Variants in MRPL21 observed in about 807,000 individuals in gnomAD.
MRPL21 encodes mitochondrial ribosomal protein L21.
A neutral mutation model predicts 27.3 loss-of-function variants in MRPL21; 20 were observed. That is an observed-to-expected ratio of 0.73 (90% confidence interval 0.52 to 1.06). MRPL21 has a LOEUF of 1.06. Among genes scored for constraint, MRPL21 ranks in the 50% least tolerant of loss-of-function variants. MRPL21 has a pLI of 0.00. For missense variants in MRPL21, 249 were observed against 251.4 expected (o/e 0.99, Z 0.06); for synonymous variants, 98 against 101.5 (o/e 0.97, Z 0.21).
chr11:68,896,288 C>T (rs1214133100), intron 4 of MRPL21, among the ~76,000 whole-genome samples: 1 of 152,238 alleles, frequency 6.6e-6, no homozygotes, highest in African/African-American at 2.4e-5. Flanking sequence ...CTCCAGGGAG[C>T]AGACCTGCTG....
chr11:68,896,750 C>G (rs1364096150), intron 3 of MRPL21, 72 bp from the exon 4 acceptor site: 3 of 1,585,116 alleles, frequency 1.9e-6, no homozygotes, highest in Non-Finnish European at 2.6e-6. Flanking sequence ...TGATGTGCAG[C>G]TCCTGGTGGT....
chr11:68,894,157 C>T (rs1010762531), intron 4 of MRPL21, among the ~76,000 whole-genome samples: 2 of 152,208 alleles, frequency 1.3e-5, no homozygotes, highest in African/African-American at 4.8e-5. Flanking sequence ...ATGATTGAGG[C>T]TCTCCTGTAT....
chr11:68,896,437 T>A, intron 4 of MRPL21, 78 bp downstream of exon 4: 2 of 1,545,368 alleles, frequency 1.3e-6, no homozygotes, highest in Non-Finnish European at 1.8e-6. Flanking sequence ...GGGTCCCTCC[T>A]CCGTGTGAGC....
At chr11:68,896,061 A>G (rs1857779025) in intron 4 of MRPL21, among the ~76,000 whole-genome samples, 1 of 152,244 alleles carries the variant, frequency 6.6e-6, no homozygotes, top group Non-Finnish European at 1.5e-5. Flanking sequence ...ATTTAAAAAC[A>G]GCAGCAGCTG....
intron 1 of MRPL21, 124 bp from the exon 2 acceptor site, chr11:68,900,729 C>T: frequency 1.2e-6 from 1 of 814,684 alleles, no homozygotes; most frequent in Non-Finnish European, 2.1e-6. Context: ...TGACAGCCTG[C>T]CCACAGAAAC....
intron 5 of MRPL21, 113 bp from the exon 6 acceptor site, chr11:68,893,106 A>G: frequency 7.3e-7 from 1 of 1,362,600 alleles, no homozygotes; most frequent in South Asian, 1.6e-5. Context: ...TATAAAAGTA[A>G]TACGCCCTCA....
intron 2 of MRPL21, among the ~76,000 whole-genome samples, chr11:68,899,592 CT>C (rs1424097706): frequency 3.3e-5 from 5 of 152,192 alleles, no homozygotes; most frequent in Non-Finnish European, 5.9e-5. Flanking sequence ...TGTTTGATGT[CT>C]AGTCTCCCCA....
rs113184582 is a variant in MRPL21, at chr11:68,893,117, A to G, written c.450-124T>C. The stretch of plus-strand genomic sequence containing the variant: ...TGATTATAAAAGTAATACGCCCTCA[A>G]TGGAAACATTTTGAAAACCACGAAA... On this transcript the variant is annotated intron_variant, in intron 5 of 6. Coordinates refer to ENST00000362034, the MANE Select transcript of MRPL21 (RefSeq NM_181514.2). 1.4e-4 allele frequency: 190 copies of G among 1,350,802 alleles called. 1 individual carries two copies. The African/African-American group carries it at 1.7e-3, about 12-fold the overall frequency. 83.7% of individuals were successfully genotyped at this position (1,350,802 alleles called of 1,614,324 possible).
At chr11:68,899,854 G>A (rs970686930) in intron 2 of MRPL21, among the ~76,000 whole-genome samples, 6 of 152,180 alleles carry the variant, frequency 3.9e-5, no homozygotes, top group Admixed American at 3.9e-4. Context: ...TGTATGCCAG[G>A]CACTGTTCTA....
At chr11:68,900,221 G>A (rs1056301115) in intron 2 of MRPL21, among the ~76,000 whole-genome samples, 4 of 152,184 alleles carry the variant, frequency 2.6e-5, no homozygotes, top group Non-Finnish European at 2.9e-5. Flanking sequence ...CATAATAAAA[G>A]AGAGCAAACA....
At chr11:68,896,367 C>A (rs1003394993) in intron 4 of MRPL21, 148 bp downstream of exon 4, 1 of 1,043,544 alleles carries the variant, frequency 9.6e-7, no homozygotes. Flanking sequence ...CCGTGGGCGC[C>A]CCCCAAAGTC....
intron 2 of MRPL21, 24 bp downstream of exon 2, chr11:68,900,524 C>T (rs574307329): frequency 1.2e-6 from 2 of 1,608,098 alleles, no homozygotes; most frequent in African/African-American, 1.3e-5. Flanking sequence ...AAAAGAGGCA[C>T]CAAAACCCAC....
chr11:68,898,123 G>C (rs1258306951), intron 2 of MRPL21, 111 bp from the exon 3 acceptor site: 1 of 898,348 alleles, frequency 1.1e-6, no homozygotes, highest in African/African-American at 1.6e-5. Context: ...GCAACAAAAG[G>C]CTCGCTCTTT....
chr11:68,898,526 T>C (rs568478298), intron 2 of MRPL21, among the ~76,000 whole-genome samples: 1 of 152,304 alleles, frequency 6.6e-6, no homozygotes, highest in South Asian at 2.1e-4. Context: ...TGCCTGCTCT[T>C]CCTTCACACC....
At chr11:68,892,693 G>A (rs536882648) in intron 6 of MRPL21, 197 bp downstream of exon 6, 53 of 1,523,772 alleles carry the variant, frequency 3.5e-5, no homozygotes, top group Middle Eastern at 3.6e-4. Context: ...CGCGTGGAGC[G>A]TGGAGGAGAA....
chr11:68,901,811 G>T (rs1438771256), intron 1 of MRPL21, among the ~76,000 whole-genome samples: 1 of 152,148 alleles, frequency 6.6e-6, no homozygotes, highest in East Asian at 1.9e-4. Context: ...ACTCGTGTCT[G>T]ACGAGCACCT....
chr11:68,891,979 C>T, intron 6 of MRPL21: 2 of 865,026 alleles, frequency 2.3e-6, no homozygotes, highest in African/African-American at 1.7e-5. Flanking sequence ...AGCCCTACAC[C>T]TGCTTGCGGA....
chr11:68,891,477 C>G, intron 6 of MRPL21, 82 bp from the exon 7 acceptor site: 1 of 1,416,268 alleles, frequency 7.1e-7, no homozygotes, highest in Non-Finnish European at 1.0e-6. Flanking sequence ...ACACAGCCCT[C>G]CCCAGCCAGC....
chr11:68,903,554 G>A (rs1432691601), intron 1 of MRPL21, among the ~76,000 whole-genome samples, 169 bp downstream of exon 1: 1 of 152,218 alleles, frequency 6.6e-6, no homozygotes, highest in Non-Finnish European at 1.5e-5. Flanking sequence ...CTAACTGAAG[G>A]AATCAAAATC....
Sources: allele counts gnomAD v4.1 joint callset (sites outside exome capture counted in the v4.1 genomes callset), GRCh38; gene constraint gnomAD v4.1.1; transcripts MANE v1.5; gene names NCBI Gene and HGNC (gene_info 2026-07-23, HGNC 2026-07-21).